RANBP2: variants seen among roughly 807,000 people sequenced by gnomAD.
RANBP2 encodes RAN binding protein 2.
In RANBP2, 57 loss-of-function variants were observed where a neutral mutation model predicts 303.6. That is an observed-to-expected ratio of 0.19 (90% CI 0.15 to 0.23). The LOEUF (loss-of-function observed/expected upper bound fraction) is 0.23. Ranked by LOEUF, RANBP2 falls within the 10% of genes least tolerant of loss-of-function variation. The pLI, the probability that RANBP2 is intolerant of heterozygous loss-of-function variation, is 1.00. For synonymous variants in RANBP2, 1,167 were observed against 1,301.5 expected, an observed-to-expected ratio of 0.90 and a Z score of 2.23; for missense variants, 3,138 against 3,780.8, an observed-to-expected ratio of 0.83 and a Z score of 4.46.
At chr2:109,147,439 A>G in the RANBP2 span, among the ~76,000 whole-genome samples, 1 of 152,228 alleles carries the variant, frequency 6.6e-6, no homozygotes, top group Admixed American at 6.5e-5. Flanking sequence ...TATACTAGAG[A>G]AACATCATAT....
the RANBP2 span, among the ~76,000 whole-genome samples, chr2:109,059,085 T>G: frequency 6.6e-6 from 1 of 151,948 alleles, no homozygotes; most frequent in Non-Finnish European, 1.5e-5. Flanking sequence ...CCGGGCCTTA[T>G]CGTTCCAAAG....
the RANBP2 span, among the ~76,000 whole-genome samples, chr2:109,204,987 C>T: frequency 6.6e-6 from 1 of 152,214 alleles, no homozygotes; most frequent in East Asian, 1.9e-4. Context: ...GCAGGAGGAT[C>T]ACTTGAAGCC....
At chr2:109,158,255 C>T in the RANBP2 span, among the ~76,000 whole-genome samples, 2 of 152,148 alleles carry the variant, frequency 1.3e-5, no homozygotes, top group Non-Finnish European at 2.9e-5. Flanking sequence ...GACAGGAAGT[C>T]CAGGGCCACC....
the RANBP2 span, among the ~76,000 whole-genome samples, chr2:109,510,952 T>G: frequency 6.6e-6 from 1 of 152,134 alleles, no homozygotes; most frequent in Non-Finnish European, 1.5e-5. Context: ...AAGCATGTAC[T>G]AAGCCCACCC....
the RANBP2 span, among the ~76,000 whole-genome samples, chr2:109,408,782 A>C: frequency 3.3e-5 from 5 of 152,254 alleles, no homozygotes; most frequent in Non-Finnish European, 5.9e-5. Context: ...ATGGATGCAC[A>C]GTTGGATGTG....
Position 108,758,753 on chromosome 2 carries a change from C to CGTGTATATAA in RANBP2, c.2602+206_2602+215dup, listed in dbSNP as rs569467672. Among the ~76,000 whole-genome samples, 742 of 150,470 alleles carry CGTGTATATAA rather than the reference C, an allele frequency of 4.9e-3. 4 individuals carry two copies. The highest frequency in any genetic ancestry group is 0.02 in the South Asian group (96 of 4,734). Reference sequence around the variant, plus strand: ...AGAAAAAACGAGCCGTATGTGATCACGTGTATATAAAGGCTTAAAGAACAC... The same window carrying CGTGTATATAA: ...AGAAAAAACGAGCCGTATGTGATCACGTGTATATAAGTGTATATAAAGGCTTAAAGAACAC... On this transcript the variant is annotated intron_variant, in intron 18 of 28. Transcript: ENST00000283195.
chr2:108,965,353 T>C, the RANBP2 span, among the ~76,000 whole-genome samples: 4 of 151,156 alleles, frequency 2.6e-5, no homozygotes, highest in Admixed American at 6.6e-5. Context: ...TGGTGGTGGG[T>C]GCCTGTAGTC....
At chr2:109,277,385 C>A in the RANBP2 span, among the ~76,000 whole-genome samples, 1 of 152,270 alleles carries the variant, frequency 6.6e-6, no homozygotes, top group East Asian at 1.9e-4. Context: ...TGACCCCGGC[C>A]TCGGTGATGG....
the RANBP2 span, among the ~76,000 whole-genome samples, chr2:108,865,544 A>T: frequency 2.0e-5 from 3 of 152,182 alleles, no homozygotes; most frequent in African/African-American, 7.2e-5. Context: ...CTCATTCTGG[A>T]GAAGACCCTC....
the RANBP2 span, among the ~76,000 whole-genome samples, chr2:109,033,955 C>CAAA: frequency 9.4e-6 from 1 of 106,886 alleles, no homozygotes; most frequent in Non-Finnish European, 2.0e-5. Flanking sequence ...ACCCTGACTC[C>CAAA]AAAAAAAAAA....
At chr2:109,482,530 G>A in the RANBP2 span, among the ~76,000 whole-genome samples, 10 of 152,168 alleles carry the variant, frequency 6.6e-5, no homozygotes, top group Non-Finnish European at 8.8e-5. Flanking sequence ...CCCTGACACC[G>A]TGGTGAACTT....
At chr2:109,020,499 A>G in the RANBP2 span, among the ~76,000 whole-genome samples, 1 of 152,238 alleles carries the variant, frequency 6.6e-6, no homozygotes, top group East Asian at 1.9e-4. Flanking sequence ...GCAGATTCCA[A>G]CGTGAACAAT....
the RANBP2 span, among the ~76,000 whole-genome samples, chr2:109,268,483 T>G: frequency 6.6e-6 from 1 of 152,110 alleles, no homozygotes; most frequent in Non-Finnish European, 1.5e-5. Flanking sequence ...CTTTCTCCCC[T>G]CAGTGGCCTC....
chr2:108,874,296 G>A, the RANBP2 span, among the ~76,000 whole-genome samples: 7 of 152,126 alleles, frequency 4.6e-5, no homozygotes, highest in East Asian at 1.2e-3. Flanking sequence ...CTTATGGACT[G>A]CCTACTGCCA....
At chr2:109,118,749 C>T in the RANBP2 span, among the ~76,000 whole-genome samples, 1 of 152,006 alleles carries the variant, frequency 6.6e-6, no homozygotes, top group East Asian at 2.0e-4. Flanking sequence ...GACAAGGGAC[C>T]AGATTTCATT....
At chr2:108,976,541 G>C in the RANBP2 span, among the ~76,000 whole-genome samples, 118 of 152,278 alleles carry the variant, frequency 7.7e-4, no homozygotes, top group African/African-American at 2.6e-3. Context: ...GGAGTTATCC[G>C]TTTAACCTCC....
At chr2:109,355,394 C>T in the RANBP2 span, among the ~76,000 whole-genome samples, 1 of 152,156 alleles carries the variant, frequency 6.6e-6, no homozygotes, top group East Asian at 1.9e-4. Flanking sequence ...GGTTGGTGGA[C>T]TAGGACTCTC....
the RANBP2 span, among the ~76,000 whole-genome samples, chr2:109,433,140 GGTGT>G: frequency 3.3e-5 from 5 of 152,262 alleles, no homozygotes; most frequent in African/African-American, 1.2e-4. Context: ...GTAAGCACAA[GGTGT>G]GTGCGTGTGT....
In RANBP2 at chr2:108,766,901, A is replaced by T; in HGVS notation, c.6362A>T (p.Gln2121Leu). ...TCTGATGGTGATGCCAAACTAGAGCAGTTGGCAGCAAAATTTAAAACACCA... is the reference window on the plus strand; with the variant it reads ...TCTGATGGTGATGCCAAACTAGAGCTGTTGGCAGCAAAATTTAAAACACCA... ...DFSDGDAKLE[Q>L]LAAKFKTPEL... Residue 2121 changes from glutamine (Q) to leucine (L), a missense_variant, in exon 20 of 29, where the codon CAG (glutamine) becomes CTG (leucine). Gln to Leu is a moderately radical substitution (Grantham distance 113, BLOSUM62 -2). This residue lies in a region of RANBP2 where 103 missense variants were observed against 214.3 expected (regional missense o/e 0.48). Coordinates refer to ENST00000283195, the MANE Select transcript of RANBP2 (RefSeq NM_006267.5). 1 of 1,609,124 alleles carries T rather than the reference A, an allele frequency of 6.2e-7. No individual in the cohort carries two copies. Among genetic ancestry groups the T allele is most frequent in the East Asian group, 2.2e-5 (1 of 44,852 alleles).
Sources: gnomAD v4.1 joint callset for allele counts (sites outside exome capture counted in the v4.1 genomes callset) on GRCh38, gnomAD v4.1.1 for gene constraint, gnomAD v4.1.1 regional missense constraint, MANE v1.5 for transcripts, NCBI Gene and HGNC (gene_info 2026-07-23, HGNC 2026-07-21) for gene names.